SV2C: variants seen among roughly 807,000 people sequenced by gnomAD.
SV2C encodes the protein synaptic vesicle glycoprotein 2C.
A neutral mutation model predicts 79.7 loss-of-function variants in SV2C; 49 were observed. The ratio of observed to expected loss-of-function variants is 0.61; its 90% CI spans 0.49 to 0.78. The LOEUF (loss-of-function observed/expected upper bound fraction) is 0.78. SV2C is among the 30% of genes least tolerant of loss of function. The pLI is 0.00. For missense variants in SV2C, 833 were observed against 912.9 expected, an observed-to-expected ratio of 0.91 and a Z score of 1.13; for synonymous variants, 334 against 333.2, an observed-to-expected ratio of 1.00 and a Z score of -0.03.
At chr5:75,882,816 C>T in the SV2C span, among the ~76,000 whole-genome samples, 1 of 150,740 alleles carries the variant, frequency 6.6e-6, no homozygotes, top group South Asian at 2.1e-4. Flanking sequence ...AAAGCAATGG[C>T]AACAAAAGCC....
intron 4 of SV2C, among the ~76,000 whole-genome samples, chr5:76,217,838 T>C (rs1302423721): frequency 6.6e-6 from 1 of 152,150 alleles, no homozygotes; most frequent in East Asian, 1.9e-4. Flanking sequence ...TTTTACCCAA[T>C]AAATCAGAAT....
chr5:75,853,139 G>C, the SV2C span, among the ~76,000 whole-genome samples: 16 of 152,118 alleles, frequency 1.1e-4, no homozygotes, highest in African/African-American at 3.9e-4. Flanking sequence ...ATAAGTTAAG[G>C]ATGCATACAA....
At chr5:75,934,005 A>G in the SV2C span, among the ~76,000 whole-genome samples, 2 of 152,250 alleles carry the variant, frequency 1.3e-5, no homozygotes, top group African/African-American at 4.8e-5. Flanking sequence ...GTAGTAGCAG[A>G]CAGAGGCTGA....
chr5:75,913,858 A>G, the SV2C span, among the ~76,000 whole-genome samples: 1 of 152,184 alleles, frequency 6.6e-6, no homozygotes, highest in Admixed American at 6.5e-5. Flanking sequence ...AGGCTAAGCT[A>G]TATTTCAGCC....
At chr5:76,177,509 CTAT>C (rs746007833) in intron 2 of SV2C, among the ~76,000 whole-genome samples, 20 of 152,160 alleles carry the variant, frequency 1.3e-4, no homozygotes, top group Non-Finnish European at 2.2e-4. Flanking sequence ...TAACAATATA[CTAT>C]AATAAAAGTT....
intron 1 of SV2C, among the ~76,000 whole-genome samples, chr5:76,088,432 C>G (rs996794034): frequency 3.3e-5 from 5 of 152,102 alleles, no homozygotes; most frequent in African/African-American, 1.2e-4. Context: ...GCTGGAAATT[C>G]CAAGATCAAG....
At chr5:75,868,860 C>A in the SV2C span, among the ~76,000 whole-genome samples, 1 of 152,286 alleles carries the variant, frequency 6.6e-6, no homozygotes, top group African/African-American at 2.4e-5. Context: ...CAGCACTCTA[C>A]CAAGAAGCTT....
At chr5:76,338,636 ATTTTCTTTTTC>A (rs1749373306), downstream of SV2C, among the ~76,000 whole-genome samples, 1 of 143,128 alleles carries the variant, frequency 7.0e-6, no homozygotes, top group African/African-American at 2.7e-5. Flanking sequence ...CAACCATAGT[ATTTTCTTTTTC>A]TTTTTCTTTT....
the SV2C span, among the ~76,000 whole-genome samples, chr5:76,018,417 T>C: frequency 6.6e-6 from 1 of 152,194 alleles, no homozygotes; most frequent in African/African-American, 2.4e-5. Context: ...CTCCACAGAC[T>C]TTTAAATTAT....
chr5:76,129,402 T>A, intron 1 of SV2C, among the ~76,000 whole-genome samples: 1 of 150,792 alleles, frequency 6.6e-6, no homozygotes, highest in Non-Finnish European at 1.5e-5. Context: ...AAAAGAGAAC[T>A]TATATGTGCA....
At chr5:75,853,407 C>A in the SV2C span, among the ~76,000 whole-genome samples, 714 of 150,812 alleles carry the variant, frequency 4.7e-3, 7 homozygotes, top group African/African-American at 0.016. Context: ...ATACAAAAAA[C>A]TAGCCGGGCG....
Position 76,137,626 on chromosome 5 carries a change from C to T in SV2C, c.580+5296C>T, listed in dbSNP as rs16873227. ...CTTAGCAAGGGGTTAGAGAGTCTTTCGGCCCCAAAATAACTAACAGCCAGA... is the reference window on the plus strand; with the variant it reads ...CTTAGCAAGGGGTTAGAGAGTCTTTTGGCCCCAAAATAACTAACAGCCAGA... On this transcript the variant is annotated intron_variant, in intron 2 of 12. Coordinates refer to ENST00000502798, the MANE Select transcript of SV2C (RefSeq NM_014979.4). Among the ~76,000 whole-genome samples, 492 of 152,202 alleles carry T rather than the reference C, an allele frequency of 3.2e-3. 1 individual carries two copies. Among genetic ancestry groups the T allele is most frequent in the African/African-American group, 0.011 (465 of 41,528 alleles).
the SV2C span, among the ~76,000 whole-genome samples, chr5:75,879,435 A>C: frequency 6.6e-6 from 1 of 152,222 alleles, no homozygotes; most frequent in Non-Finnish European, 1.5e-5. Flanking sequence ...AAAGAGAAAG[A>C]GTGGCCAAAA....
At chr5:75,868,947 T>C in the SV2C span, among the ~76,000 whole-genome samples, 23 of 152,234 alleles carry the variant, frequency 1.5e-4, no homozygotes, top group Non-Finnish European at 2.2e-4. Flanking sequence ...AGTTTTTCCT[T>C]CTTTACTGGC....
chr5:76,153,420 A>T (rs1384968168), intron 2 of SV2C, among the ~76,000 whole-genome samples: 1 of 152,160 alleles, frequency 6.6e-6, no homozygotes, highest in East Asian at 1.9e-4. Context: ...GGGACTTCCC[A>T]AGAGTTGGCC....
At chr5:76,055,969 C>T in the SV2C span, among the ~76,000 whole-genome samples, 1 of 152,124 alleles carries the variant, frequency 6.6e-6, no homozygotes, top group African/African-American at 2.4e-5. Flanking sequence ...TTCCTCTCTT[C>T]TTATTTGAAT....
At chr5:76,176,854 G>A (rs1743545757) in intron 2 of SV2C, among the ~76,000 whole-genome samples, 2 of 152,120 alleles carry the variant, frequency 1.3e-5, no homozygotes, top group South Asian at 2.1e-4. Context: ...GGTGGCTCAC[G>A]CCTGTAATCC....
intron 12 of SV2C, among the ~76,000 whole-genome samples, chr5:76,347,695 G>T (rs1247162751): frequency 6.6e-6 from 1 of 152,158 alleles, no homozygotes; most frequent in Non-Finnish European, 1.5e-5. Context: ...GCCTGCCTCG[G>T]CCTCCCAAAG....
At chr5:76,073,140 T>C in the SV2C span, among the ~76,000 whole-genome samples, 4 of 152,148 alleles carry the variant, frequency 2.6e-5, no homozygotes, top group South Asian at 8.3e-4. Context: ...TTGTGCTCGG[T>C]TTCTTGGTCA....
Sources: allele counts gnomAD v4.1 joint callset (sites outside exome capture counted in the v4.1 genomes callset), GRCh38; gene constraint gnomAD v4.1.1; transcripts MANE v1.5; gene names NCBI Gene and HGNC (gene_info 2026-07-23, HGNC 2026-07-21).